Variants in MAP1B observed in about 807,000 individuals in gnomAD.
MAP1B encodes microtubule-associated protein 1B.
Under a neutral mutation model 176.1 loss-of-function variants are expected in MAP1B, and 12 were observed. That is an observed-to-expected ratio of 0.07 (90% CI 0.04 to 0.11). MAP1B has a LOEUF of 0.11. Ranked by LOEUF, MAP1B falls within the 10% of genes least tolerant of loss-of-function variation. MAP1B has a pLI of 1.00. For synonymous variants in MAP1B, 1,044 were observed against 1,135.0 expected (o/e 0.92, Z 1.61); for missense variants, 2,523 against 2,990.5 (o/e 0.84, Z 3.65).
rs1451819756 is a variant in MAP1B at position 72,198,617 on chromosome 5, T to C, written c.5262T>C (p.Ala1754=). 1.9e-6 allele frequency: 3 copies of C among 1,614,088 alleles called. No homozygotes were observed. Among genetic ancestry groups the C allele is most frequent in the Non-Finnish European group, 2.5e-6 (3 of 1,180,004 alleles). Residue 1754 remains alanine, a synonymous_variant, in exon 5 of 7, where the codon GCT becomes GCC. Transcript: ENST00000296755. ...AAGAAGATACTCTATCCGATGTTGC[T>C]CCTCCCAGAGATATGTCCTTATATG... ...PLQEDTLSDV[A]PPRDMSLYAS...
At chr5:72,138,580 C>G (rs1349444357) in intron 2 of MAP1B, among the ~76,000 whole-genome samples, 1 of 152,094 alleles carries the variant, frequency 6.6e-6, no homozygotes. Flanking sequence ...ATGCTTATTG[C>G]TACGTTATTT....
rs1747396598 is a variant in MAP1B at position 72,204,305 on chromosome 5, A to G, written c.7251+504A>G. Among the ~76,000 whole-genome samples the G allele has an allele frequency of 2.0e-5, 3 of 152,074 alleles. No homozygotes were observed. In the South Asian group the frequency reaches 6.2e-4, roughly 31 times the overall value. On this transcript the variant is annotated intron_variant, in intron 6 of 6. Coordinates refer to ENST00000296755, the MANE Select transcript of MAP1B (RefSeq NM_005909.5). The surrounding 1 kb of genome is among the most constrained non-coding windows in gnomAD (Gnocchi z 4.4). ...AGGACACTCCCAACTCCCAAACATC[A>G]TGCCTGACCACAAACCATCCCTTAT...
intron 2 of MAP1B, among the ~76,000 whole-genome samples, chr5:72,161,191 G>T (rs1293760478): frequency 6.6e-6 from 1 of 152,180 alleles, no homozygotes; most frequent in Non-Finnish European, 1.5e-5. Context: ...CTCCATGCCA[G>T]ATGCATGTGG....
intron 1 of MAP1B, among the ~76,000 whole-genome samples, chr5:72,108,995 T>G (rs1188176660): frequency 6.6e-6 from 1 of 152,138 alleles, no homozygotes; most frequent in East Asian, 1.9e-4. Context: ...CGCACTGCGG[T>G]CTCTACGGCA....
chr5:72,198,210 A>G lies in MAP1B; in HGVS notation c.4855A>G (p.Ile1619Val). The change falls in exon 5 of 7, where the codon ATT becomes GTT. Residue 1619 changes from isoleucine to valine, a missense_variant. Physicochemically the swap from Ile to Val is conservative, Grantham distance 29. Around this residue, in one of 4 missense-constraint regions of MAP1B, gnomAD observed 1,925 missense variants for 2,126.0 expected, o/e 0.91. Coordinates refer to ENST00000296755, the MANE Select transcript of MAP1B (RefSeq NM_005909.5). Reference sequence around the variant, plus strand: ...AGAAGAATGCCCAAGACCGATGTCAATTTCTCCACCAGATTTCTCCCCTAA... The same window carrying G: ...AGAAGAATGCCCAAGACCGATGTCAGTTTCTCCACCAGATTTCTCCCCTAA... The part of the protein sequence containing the change: ...SKEECPRPMS[I>V]SPPDFSPKTA... 2.5e-6 allele frequency: 4 copies of G among 1,614,220 alleles called. No homozygotes were observed. Among genetic ancestry groups the G allele is most frequent in the Non-Finnish European group, 3.4e-6 (4 of 1,180,032 alleles).
intron 2 of MAP1B, among the ~76,000 whole-genome samples, chr5:72,176,242 C>A (rs1220871385): frequency 2.0e-5 from 3 of 152,220 alleles, no homozygotes; most frequent in Admixed American, 2.0e-4. Flanking sequence ...GGCAATTCAG[C>A]AGGCGTTGGC....
chr5:72,161,956 C>CAAAAAAAA (rs4043357), intron 2 of MAP1B, among the ~76,000 whole-genome samples: 15 of 84,934 alleles, frequency 1.8e-4, no homozygotes, highest in East Asian at 6.3e-4. Context: ...AATTCCGTCT[C>CAAAAAAAA]AAAAAAAAAA....
intron 2 of MAP1B, among the ~76,000 whole-genome samples, chr5:72,125,859 GA>G (rs779467731): frequency 4.0e-5 from 6 of 149,526 alleles, no homozygotes; most frequent in Non-Finnish European, 8.9e-5. Context: ...ATTCAATGAT[GA>G]AGAGTTAGAA....
intron 2 of MAP1B, among the ~76,000 whole-genome samples, chr5:72,130,472 T>C (rs1157332974): frequency 6.6e-6 from 1 of 152,228 alleles, no homozygotes; most frequent in African/African-American, 2.4e-5. Context: ...AAACTAAAGT[T>C]AGCGCTTAGG....
rs372016019 is a variant in MAP1B, at chr5:72,198,602, T to A, written c.5247T>A (p.Thr1749=). The stretch of plus-strand genomic sequence containing the variant: ...TCGCTTCTCCTCTCCAAGAAGATAC[T>A]CTATCCGATGTTGCTCCTCCCAGAG... The part of the protein sequence containing the change: ...SQIASPLQED[T]LSDVAPPRDM... Residue 1749 remains threonine, a synonymous_variant, in exon 5 of 7, where the codon ACT becomes ACA. Coordinates refer to ENST00000296755, the MANE Select transcript of MAP1B (RefSeq NM_005909.5). 1.9e-6 allele frequency: 3 copies of A among 1,614,032 alleles called. No individual in the cohort carries two copies. In the African/African-American group the frequency reaches 4.0e-5, roughly 22 times the overall value.
In MAP1B at chr5:72,133,590, A is replaced by G. The variant is rs146042676; in HGVS notation, c.286+17791A>G. On this transcript the variant is annotated intron_variant, in intron 2 of 6. Transcript: ENST00000296755. ...TCTCTGTGCCTCAGTTTCCTTATCT[A>G]TGAACCTACTTTACAGAGGATTTAT... 5.3e-4 allele frequency among the ~76,000 whole-genome samples: 81 copies of G among 152,358 alleles called. No individual in the cohort carries two copies. In the East Asian group the frequency reaches 8.7e-3, roughly 16 times the overall value.
At chr5:72,166,753 T>C (rs998668343) in intron 2 of MAP1B, among the ~76,000 whole-genome samples, 3 of 152,224 alleles carry the variant, frequency 2.0e-5, no homozygotes, top group Non-Finnish European at 4.4e-5. Flanking sequence ...AGTAGCTGGC[T>C]GGGTTCCAGA....
intron 2 of MAP1B, among the ~76,000 whole-genome samples, chr5:72,131,447 A>G (rs1245645993): frequency 6.6e-6 from 1 of 152,218 alleles, no homozygotes; most frequent in East Asian, 1.9e-4. Flanking sequence ...TGAGGTTATA[A>G]TAGCACATTT....
chr5:72,143,762 C>A (rs1395189538), intron 2 of MAP1B, among the ~76,000 whole-genome samples: 1 of 152,132 alleles, frequency 6.6e-6, no homozygotes, highest in Non-Finnish European at 1.5e-5. Context: ...TGTTCCATAC[C>A]TTTCTCCTCA....
At chr5:72,153,243 G>T (rs1049709687) in intron 2 of MAP1B, among the ~76,000 whole-genome samples, 21 of 152,092 alleles carry the variant, frequency 1.4e-4, no homozygotes, top group African/African-American at 5.1e-4. Flanking sequence ...GCAGCAGATG[G>T]TGTTGCCCAC....
At position 72,205,119 on chromosome 5, in the gene MAP1B, G is replaced by A. The variant is rs755065732; in HGVS notation, c.7287G>A (p.Met2429Ile). 3 of 1,613,674 alleles carry A rather than the reference G, an allele frequency of 1.9e-6. No homozygotes were observed. Among genetic ancestry groups the A allele is most frequent in the South Asian group, 1.1e-5 (1 of 91,036 alleles). Reference protein sequence around the residue: ...TLIPTHDSEVMREWYQETHEK... With the variant: ...TLIPTHDSEVIREWYQETHEK... ...TCCCAACTCATGACTCAGAAGTGAT[G>A]AGGGAATGGTACCAGGAGACCCATG... Residue 2429 changes from methionine to isoleucine, a missense_variant, in exon 7 of 7, where the codon ATG (methionine) becomes ATA (isoleucine). By Grantham distance (10) the Met-to-Ile change is conservative (BLOSUM62 1). Coordinates refer to ENST00000296755, the MANE Select transcript of MAP1B (RefSeq NM_005909.5).
chr5:72,122,362 C>T (rs1044654227), intron 2 of MAP1B, among the ~76,000 whole-genome samples: 23 of 152,082 alleles, frequency 1.5e-4, no homozygotes, highest in African/African-American at 5.3e-4. Context: ...CCTTTTCTAG[C>T]GGTGAAAGAG....
intron 2 of MAP1B, among the ~76,000 whole-genome samples, chr5:72,131,344 T>A (rs1003677991): frequency 3.9e-5 from 6 of 152,318 alleles, no homozygotes; most frequent in Non-Finnish European, 8.8e-5. Context: ...TTATTTTCCC[T>A]TATGTTTCCT....
Position 72,199,246 on chromosome 5 carries a change from C to G in MAP1B, c.5891C>G (p.Thr1964Ser). The change falls in exon 5 of 7, where the codon ACC (threonine) becomes AGC (serine). Residue 1964 changes from threonine (T) to serine (S), a missense_variant. By Grantham distance (58) the Thr-to-Ser change is moderately conservative. Around this residue, in one of 4 missense-constraint regions of MAP1B, gnomAD observed 1,925 missense variants for 2,126.0 expected, o/e 0.91. Transcript: ENST00000296755. The surrounding 1 kb of genome is among the most constrained non-coding windows in gnomAD (Gnocchi z 4.2). ...TCATATGACATAAGTGAAAAGACCACCAGCCCCCCCGAAGTGAGTGGTTAC... is the reference window on the plus strand; with the variant it reads ...TCATATGACATAAGTGAAAAGACCAGCAGCCCCCCCGAAGTGAGTGGTTAC... ...GYSYDISEKT[T>S]SPPEVSGYSY... 11 of 1,614,130 alleles carry G rather than the reference C, an allele frequency of 6.8e-6. No individual in the cohort carries two copies. Among genetic ancestry groups the G allele is most frequent in the Non-Finnish European group, 9.3e-6 (11 of 1,180,018 alleles).
Sources: gnomAD v4.1 joint callset for allele counts (sites outside exome capture counted in the v4.1 genomes callset) on GRCh38, gnomAD v4.1.1 for gene constraint, gnomAD v4.1.1 regional missense constraint, Gnocchi (gnomAD v3.1) non-coding constraint, MANE v1.5 for transcripts, NCBI Gene and HGNC (gene_info 2026-07-23, HGNC 2026-07-21) for gene names.